Variants in TNK2 observed in about 807,000 individuals in gnomAD.
TNK2 encodes the protein tyrosine kinase non receptor 2.
In TNK2, 83 loss-of-function variants were observed where a neutral mutation model predicts 101.8. That is an observed-to-expected ratio of 0.82 (90% confidence interval 0.68 to 0.98). The LOEUF (loss-of-function observed/expected upper bound fraction) is 0.98. Among genes scored for constraint, TNK2 ranks in the 50% least tolerant of loss-of-function variants. The pLI, the probability that TNK2 is intolerant of heterozygous loss-of-function variation, is 0.00. For missense variants in TNK2, 1,665 were observed against 1,483.2 expected, an observed-to-expected ratio of 1.12 and a Z score of -2.01; for synonymous variants, 804 against 633.0, an observed-to-expected ratio of 1.27 and a Z score of -4.06.
At chr3:195,876,757 C>T (rs553189610) in intron 9 of TNK2, 21 of 415,716 alleles carry the variant, frequency 5.1e-5, no homozygotes, top group Admixed American at 2.1e-4. Context: ...GACGGAAGGG[C>T]GGGGCGGGGC....
chr3:195,869,462 G>A (rs199790167), intron 12 of TNK2, 35 bp downstream of exon 12: 3 of 1,548,672 alleles, frequency 1.9e-6, no homozygotes, highest in Non-Finnish European at 1.7e-6. Context: ...GGGGGCGGGG[G>A]CGGGGGCCAA....
At position 195,884,810 on chromosome 3, in the gene TNK2, A is replaced by G; in HGVS notation, c.456+2T>C. The stretch of plus-strand genomic sequence containing the variant: ...TGCGCTGGCAGGACACAGAGAGCTC[A>G]CCGTCTTCCCTGAGGGCGCGTCCCA... On this transcript the variant is annotated splice_donor_variant, in intron 4 of 15. Coordinates refer to ENST00000672887, the MANE Select transcript of TNK2 (RefSeq NM_001382273.1). LOFTEE classifies it high-confidence loss of function. 6.2e-7 allele frequency: 1 copy of G among 1,607,400 alleles called. No individual in the cohort carries two copies. The highest frequency in any genetic ancestry group is 8.5e-7 in the Non-Finnish European group (1 of 1,177,948).
chr3:195,898,989 G>A (rs955731424), intron 1 of TNK2, among the ~76,000 whole-genome samples: 5 of 152,088 alleles, frequency 3.3e-5, no homozygotes, highest in African/African-American at 7.2e-5. Flanking sequence ...CCAGCTACTC[G>A]GGAGGCTGAG....
At position 195,869,479 on chromosome 3, in the gene TNK2, G is replaced by A. The variant is rs370585075; in HGVS notation, c.1588+18C>T. Reference sequence around the variant, plus strand: ...GGGCGGGGGCGGGGGCCAAGGCATCGGAAGCAGCCCCACTTACTCTGAGTG... The same window carrying A: ...GGGCGGGGGCGGGGGCCAAGGCATCAGAAGCAGCCCCACTTACTCTGAGTG... On this transcript the variant is annotated intron_variant, in intron 12 of 15. Transcript: ENST00000672887. The A allele has an allele frequency of 2.6e-5, 40 of 1,550,046 alleles. No individual in the cohort carries two copies. Among genetic ancestry groups the A allele is most frequent in the Middle Eastern group, 1.7e-4 (1 of 5,872 alleles).
Position 195,867,179 on chromosome 3 carries a change from T to A in TNK2, c.3023A>T (p.Gln1008Leu), listed in dbSNP as rs1741446272. The A allele has an allele frequency of 6.2e-7, 1 of 1,612,852 alleles. No individual in the cohort carries two copies. ...CHGWSVQRAA[Q>L]YLKVEQLFGL... Reference sequence around the variant, plus strand: ...AGGAGGTGGCGGTACCTTCAGATACTGGGCAGCCCTCTGCACGCTCCAGCC... The same window carrying A: ...AGGAGGTGGCGGTACCTTCAGATACAGGGCAGCCCTCTGCACGCTCCAGCC... The change falls in exon 14 of 16, where the codon CAG becomes CTG. Residue 1008 changes from glutamine to leucine, a missense_variant. Physicochemically the swap from Gln to Leu is moderately radical, Grantham distance 113 (BLOSUM62 -2). Coordinates refer to ENST00000672887, the MANE Select transcript of TNK2 (RefSeq NM_001382273.1).
intron 9 of TNK2, among the ~76,000 whole-genome samples, chr3:195,875,659 TC>T (rs71180983): frequency 0.25 from 16,198 of 64,118 alleles, 993 homozygotes; most frequent in African/African-American, 0.39. Context: ...GTCCGCGCCC[TC>T]TCTCTCCCGC....
chr3:195,878,304 G>C lies in TNK2; in HGVS notation c.1205C>G (p.Pro402Arg), dbSNP rs148791867. 1 of 1,613,946 alleles carries C rather than the reference G, an allele frequency of 6.2e-7. No homozygotes were observed. Among genetic ancestry groups the C allele is most frequent in the African/African-American group, 1.3e-5 (1 of 74,890 alleles). Residue 402 changes from proline (P) to arginine (R), a missense_variant, in exon 9 of 16, where the codon CCG becomes CGG. Pro to Arg is a moderately radical substitution (Grantham distance 103). Coordinates refer to ENST00000672887, the MANE Select transcript of TNK2 (RefSeq NM_001382273.1). The surrounding 1 kb of genome is among the most constrained non-coding windows in gnomAD (Gnocchi z 4.7). ...DMRALQDFEEPDKLHIQMNDV... is the reference protein window; with the variant it reads ...DMRALQDFEERDKLHIQMNDV... ...ATTCATCTGGATGTGCAGCTTGTCC[G>C]GTTCCTCAAAGTCCTGAAGGGCCCG...
At position 195,867,208 on chromosome 3, in the gene TNK2, G is replaced by C; in HGVS notation, c.2994C>G (p.Cys998Trp). 6.2e-7 allele frequency: 1 copy of C among 1,613,040 alleles called. No individual in the cohort carries two copies. The highest frequency in any genetic ancestry group is 1.3e-5 in the African/African-American group (1 of 75,046). ...TTEECQAALQ[C>W]HGWSVQRAAQ... ...CAGCCCTCTGCACGCTCCAGCCGTG[G>C]CACTGCAGGGCCGCCTGGCACTCCT... Residue 998 changes from cysteine to tryptophan, a missense_variant, in exon 14 of 16, where the codon TGC becomes TGG. By Grantham distance (215) the Cys-to-Trp change is radical. Coordinates refer to ENST00000672887, the MANE Select transcript of TNK2 (RefSeq NM_001382273.1).
intron 1 of TNK2, chr3:195,895,648 G>T (rs1054936435): frequency 2.4e-5 from 30 of 1,266,126 alleles, no homozygotes; most frequent in Non-Finnish European, 2.9e-5. Flanking sequence ...TGCCTTCGCC[G>T]GCCGCGGAAC....
chr3:195,867,352 G>A lies in TNK2; in HGVS notation c.2937+9C>T. On this transcript the variant is annotated intron_variant, in intron 13 of 15. Coordinates refer to ENST00000672887, the MANE Select transcript of TNK2 (RefSeq NM_001382273.1). ...CCCCGCTTCGCCCACAGCCAGGCTGGGTGCTCACCATCTGGATCTTGTCTG... is the reference window on the plus strand; with the variant it reads ...CCCCGCTTCGCCCACAGCCAGGCTGAGTGCTCACCATCTGGATCTTGTCTG... 6.2e-7 allele frequency: 1 copy of A among 1,608,002 alleles called. No homozygotes were observed. Among genetic ancestry groups the A allele is most frequent in the Middle Eastern group, 1.7e-4 (1 of 6,046 alleles).
At position 195,872,308 on chromosome 3, in the gene TNK2, G is replaced by A; in HGVS notation, c.1419C>T (p.Arg473=). Residue 473 remains arginine, a synonymous_variant, in exon 10 of 16, where the codon CGC becomes CGT. Coordinates refer to ENST00000672887, the MANE Select transcript of TNK2 (RefSeq NM_001382273.1). ...IHTGHGDSDP[R]HCWGFPDRID... Reference sequence around the variant, plus strand: ...TCCTGTCCGGGAAGCCCCAGCAGTGGCGGGGGTCACTGTCGCCATGCCCTG... The same window carrying A: ...TCCTGTCCGGGAAGCCCCAGCAGTGACGGGGGTCACTGTCGCCATGCCCTG... 1 of 1,613,308 alleles carries A rather than the reference G, an allele frequency of 6.2e-7. No homozygotes were observed.
chr3:195,870,697 G>C (rs999213463), intron 10 of TNK2, among the ~76,000 whole-genome samples: 4 of 152,270 alleles, frequency 2.6e-5, no homozygotes, highest in African/African-American at 9.6e-5. Flanking sequence ...CCAACTGTCA[G>C]TATCTGAGAC....
intron 1 of TNK2, among the ~76,000 whole-genome samples, chr3:195,906,746 T>C (rs1871529): frequency 0.62 from 94,669 of 152,040 alleles, 30,911 homozygotes; most frequent in African/African-American, 0.83. Context: ...GTTTACCATA[T>C]GTCATTATAT....
chr3:195,871,603 C>T lies in TNK2; in HGVS notation c.1451+673G>A, dbSNP rs573256042. 3.3e-5 allele frequency among the ~76,000 whole-genome samples: 5 copies of T among 152,266 alleles called. No individual in the cohort carries two copies. The South Asian group carries it at 1.0e-3, about 32-fold the overall frequency. The stretch of plus-strand genomic sequence containing the variant: ...CCTCCTCAGCAGCTCCCACCGGGTT[C>T]CTCCCAAGTTCATTTTCCTAAGGCC... On this transcript the variant is annotated intron_variant, in intron 10 of 15. Coordinates refer to ENST00000672887, the MANE Select transcript of TNK2 (RefSeq NM_001382273.1).
At position 195,885,002 on chromosome 3, in the gene TNK2, A is replaced by G. The variant is rs1277067293; in HGVS notation, c.266T>C (p.Phe89Ser). 6.2e-7 allele frequency: 1 copy of G among 1,607,658 alleles called. No individual in the cohort carries two copies. Among genetic ancestry groups the G allele is most frequent in the South Asian group, 1.1e-5 (1 of 90,784 alleles). The change falls in exon 4 of 16, where the codon TTC (phenylalanine) becomes TCC (serine). Residue 89 changes from phenylalanine (F) to serine (S), a missense_variant. Physicochemically the swap from Phe to Ser is radical, Grantham distance 155 (BLOSUM62 -2). Transcript: ENST00000672887. This position sits in a 1 kb window ranked among gnomAD's most constrained non-coding sequence, Gnocchi z 4.7. ...VFSGKRLEAE[F>S]PPHHSQSTFR... is the part of the protein sequence containing the mutation. ...GGTGCTCTGAGAGTGATGAGGTGGG[A>G]ACTCAGCCTCCAGTCGCTTTCCACT...
Position 195,864,179 on chromosome 3 carries a change from T to C in TNK2, c.*2A>G. On this transcript the variant is annotated 3_prime_UTR_variant, in exon 16 of 16. Coordinates refer to ENST00000672887, the MANE Select transcript of TNK2 (RefSeq NM_001382273.1). ...CAGGCCCTCTGGCTCTCCAGACGCA[T>C]CTCAGCGCCTAGAGAATGGGAAACC... 1.2e-6 allele frequency: 2 copies of C among 1,613,812 alleles called. No homozygotes were observed. The highest frequency in any genetic ancestry group is 1.7e-6 in the Non-Finnish European group (2 of 1,179,878).
chr3:195,878,899 G>A lies in TNK2; in HGVS notation c.1014+150C>T, dbSNP rs924517057. The A allele has an allele frequency of 2.4e-6, 3 of 1,272,938 alleles. No homozygotes were observed. The highest frequency in any genetic ancestry group is 3.3e-6 in the Non-Finnish European group (3 of 914,146). 78.9% of individuals were successfully genotyped at this position (1,272,938 alleles called of 1,614,324 possible). A position where few individuals can be genotyped will look rare whatever the true frequency, so the allele number is the denominator to read the frequency against. On this transcript the variant is annotated intron_variant, in intron 7 of 15. Coordinates refer to ENST00000672887, the MANE Select transcript of TNK2 (RefSeq NM_001382273.1). This position sits in a 1 kb window ranked among gnomAD's most constrained non-coding sequence, Gnocchi z 4.7. The stretch of plus-strand genomic sequence containing the variant: ...TACGGGGCGTGAGAGGAGACACGGG[G>A]CGTGGTGGGAGGCACGGGAAGTGGG...
chr3:195,868,118 T>C lies in TNK2; in HGVS notation c.2180A>G (p.Gln727Arg), dbSNP rs779170934. ...AGCCTGCAGTTGCCTCATGCACTCC[T>C]GCTGTAGCGCCTGGAAGATCTCTGC... is the stretch of plus-strand genomic sequence containing the variant. Reference protein sequence around the residue: ...QTAEIFQALQQECMRQLQAPA... With the variant: ...QTAEIFQALQRECMRQLQAPA... The change falls in exon 13 of 16, where the codon CAG becomes CGG. Residue 727 changes from glutamine to arginine, a missense_variant. Physicochemically the swap from Gln to Arg is conservative, Grantham distance 43. This residue lies in a region of TNK2 where 1,136 missense variants were observed against 894.9 expected (regional missense o/e 1.27). Transcript: ENST00000672887. 2.5e-5 allele frequency: 40 copies of C among 1,611,408 alleles called. No individual in the cohort carries two copies. Among genetic ancestry groups the C allele is most frequent in the Non-Finnish European group, 3.3e-5 (39 of 1,179,470 alleles).
intron 1 of TNK2, chr3:195,896,285 C>A (rs1369404001): frequency 3.0e-6 from 1 of 333,980 alleles, no homozygotes; most frequent in East Asian, 1.2e-4. Flanking sequence ...GGGCTGAGCT[C>A]AGGGCACCTT....
Sources: gnomAD v4.1 joint callset for allele counts (sites outside exome capture counted in the v4.1 genomes callset) on GRCh38, gnomAD v4.1.1 for gene constraint, gnomAD v4.1.1 regional missense constraint, Gnocchi (gnomAD v3.1) non-coding constraint, MANE v1.5 for transcripts, NCBI Gene and HGNC (gene_info 2026-07-23, HGNC 2026-07-21) for gene names.